The following ZNF608 variants were observed in gnomAD, a reference collection of about 807,000 sequenced individuals.
The protein encoded by ZNF608 is renal carcinoma antigen NY-REN-36.
ZNF608 carries 12 observed loss-of-function variants against 109.0 expected under a neutral mutation model. That is an observed-to-expected ratio of 0.11 (90% CI 0.07 to 0.18). The LOEUF (loss-of-function observed/expected upper bound fraction) is 0.18, where lower values mean the gene tolerates loss of function less well. ZNF608 is among the 10% of genes least tolerant of loss of function. The pLI, the probability that ZNF608 is intolerant of heterozygous loss-of-function variation, is 1.00. For missense variants in ZNF608, 1,707 were observed against 1,879.3 expected, an observed-to-expected ratio of 0.91 and a Z score of 1.70; for synonymous variants, 732 against 717.4, an observed-to-expected ratio of 1.02 and a Z score of -0.33.
intron 2 of ZNF608, among the ~76,000 whole-genome samples, chr5:124,734,260 G>A (rs1317536458): frequency 1.3e-5 from 2 of 152,176 alleles, no homozygotes; most frequent in Non-Finnish European, 2.9e-5. Flanking sequence ...CTAATCCACT[G>A]CCTTGGTACT....
Position 124,647,501 on chromosome 5 carries a change from C to T in ZNF608, c.2883G>A (p.Lys961=). ...AAATAATATCTGATGGGGAACTGGC[C>T]TTTGATCTCATACCCTCCGACCTGC... is the stretch of plus-strand genomic sequence containing the variant. ...SDSRSEGMRS[K]ASSPSDIISS... Residue 961 remains lysine, a synonymous_variant, in exon 5 of 10, where the codon AAG becomes AAA. Transcript: ENST00000513986. 1.2e-6 allele frequency: 2 copies of T among 1,614,150 alleles called. No individual in the cohort carries two copies. The highest frequency in any genetic ancestry group is 1.1e-5 in the South Asian group (1 of 91,082).
chr5:124,639,010 A>G, intron 9 of ZNF608, 123 bp downstream of exon 9: 4 of 950,774 alleles, frequency 4.2e-6, no homozygotes, highest in Non-Finnish European at 6.4e-6. Context: ...TAATAAACAC[A>G]TTCATTACAA....
chr5:124,638,268 T>A (rs1423140585), intron 9 of ZNF608, among the ~76,000 whole-genome samples: 2 of 144,474 alleles, frequency 1.4e-5, no homozygotes, highest in African/African-American at 5.1e-5. Context: ...TTTTTTTTTT[T>A]AGTTTTGAGA....
chr5:124,729,693 A>G (rs1748801538), intron 2 of ZNF608, among the ~76,000 whole-genome samples: 1 of 152,214 alleles, frequency 6.6e-6, no homozygotes, highest in Admixed American at 6.6e-5. Context: ...TGCTATATTT[A>G]GTGATCTGTG....
chr5:124,671,087 C>T (rs1337461337), intron 3 of ZNF608, among the ~76,000 whole-genome samples: 1 of 152,124 alleles, frequency 6.6e-6, no homozygotes, highest in African/African-American at 2.4e-5. Flanking sequence ...ACTATATTTT[C>T]CCAGCTGGAG....
chr5:124,721,715 C>T lies in ZNF608; in HGVS notation c.907-20446G>A, dbSNP rs957381986. 2.6e-5 allele frequency among the ~76,000 whole-genome samples: 4 copies of T among 151,822 alleles called. No individual in the cohort carries two copies. The East Asian group carries it at 5.8e-4, about 22-fold the overall frequency. On this transcript the variant is annotated intron_variant, in intron 2 of 9. Coordinates refer to ENST00000513986, the MANE Select transcript of ZNF608 (RefSeq NM_020747.3). ...CTTTGGGAGGCTGAGGCGGGTGGAT[C>T]GTCTGAGGTCAGGGGTTCAAGACCA...
Position 124,649,118 on chromosome 5 carries a change from C to T in ZNF608, c.1266G>A (p.Pro422=), listed in dbSNP as rs568892039. 5 of 1,564,016 alleles carry T rather than the reference C, an allele frequency of 3.2e-6. No individual in the cohort carries two copies. In the South Asian group the frequency reaches 3.6e-5, roughly 11 times the overall value. ...DWAPPRFCES[P]TSDLEMRGGR... is the part of the protein sequence containing the mutation. Reference sequence around the variant, plus strand: ...CCCCTCTCATCTCCAGGTCACTTGTCGGTGACTCACAAAACCTATGGAAGC... The same window carrying T: ...CCCCTCTCATCTCCAGGTCACTTGTTGGTGACTCACAAAACCTATGGAAGC... The change falls in exon 5 of 10, where the codon CCG becomes CCA. Residue 422 remains proline (P), a synonymous_variant. Coordinates refer to ENST00000513986, the MANE Select transcript of ZNF608 (RefSeq NM_020747.3).
intron 2 of ZNF608, among the ~76,000 whole-genome samples, chr5:124,737,248 A>G (rs1051918670): frequency 9.9e-5 from 15 of 152,174 alleles, no homozygotes; most frequent in Admixed American, 2.0e-4. Context: ...AGCTACATTC[A>G]TGTGGCATTA....
chr5:124,716,872 CG>C (rs1753724518), intron 2 of ZNF608, among the ~76,000 whole-genome samples: 2 of 151,986 alleles, frequency 1.3e-5, no homozygotes, highest in South Asian at 2.1e-4. Context: ...CACCTGAGGT[CG>C]GGAGTTGGAG....
chr5:124,649,378 C>A (rs1460589631), intron 4 of ZNF608, among the ~76,000 whole-genome samples: 1 of 152,116 alleles, frequency 6.6e-6, no homozygotes, highest in Non-Finnish European at 1.5e-5. Flanking sequence ...TTCAAATTCC[C>A]ACTTTGAGAA....
chr5:124,746,506 T>G lies in ZNF608; in HGVS notation c.-495A>C, dbSNP rs1391334317. On this transcript the variant is annotated 5_prime_UTR_variant, in exon 1 of 10. Coordinates refer to ENST00000513986, the MANE Select transcript of ZNF608 (RefSeq NM_020747.3). ...TCCTCTTAACAAGCATCGAGAATAA[T>G]AGTTTTTTAAAAAACAGAGAGTTTA... 2.0e-6 allele frequency: 2 copies of G among 985,086 alleles called. No individual in the cohort carries two copies. Among genetic ancestry groups the G allele is most frequent in the African/African-American group, 3.5e-5 (2 of 57,204 alleles). The allele number at this position is 985,086 out of a possible 1,614,324, so 61.0% of individuals were successfully genotyped here.
chr5:124,737,276 G>A (rs974674576), intron 2 of ZNF608, among the ~76,000 whole-genome samples: 2 of 152,122 alleles, frequency 1.3e-5, no homozygotes, highest in African/African-American at 4.8e-5. Flanking sequence ...ATGCCTAAAT[G>A]TCCCTGCAGA....
At chr5:124,663,212 G>A (rs1287600415) in intron 3 of ZNF608, among the ~76,000 whole-genome samples, 4 of 152,192 alleles carry the variant, frequency 2.6e-5, no homozygotes, top group Admixed American at 1.3e-4. Context: ...TAAAGGGGTG[G>A]CAGAATTATT....
chr5:124,644,664 G>C lies in ZNF608; in HGVS notation c.3706-3C>G. The C allele has an allele frequency of 6.6e-7, 1 of 1,522,582 alleles. No individual in the cohort carries two copies. Among genetic ancestry groups the C allele is most frequent in the Non-Finnish European group, 8.8e-7 (1 of 1,137,062 alleles). 94.3% of individuals were successfully genotyped at this position (1,522,582 alleles called of 1,614,324 possible). ...TGCCATGTTCTTGAATCTGGGTCCT[G>C]ATTTTTTTGTTTTAAAGAAAAAAAA... On this transcript the variant is annotated splice_polypyrimidine_tract_variant and splice_region_variant and intron_variant, in intron 5 of 9. Coordinates refer to ENST00000513986, the MANE Select transcript of ZNF608 (RefSeq NM_020747.3).
At position 124,644,605 on chromosome 5, in the gene ZNF608, C is replaced by A. The variant is rs780215040; in HGVS notation, c.3762G>T (p.Gln1254His). 2 of 1,611,264 alleles carry A rather than the reference C, an allele frequency of 1.2e-6. No individual in the cohort carries two copies. The highest frequency in any genetic ancestry group is 1.7e-6 in the Non-Finnish European group (2 of 1,179,090). ...HYVYQPKYLD[Q>H]QKSEELDREK... ...CTCTATCAAGTTCTTCTGACTTTTG[C>A]TGATCCAGATATTTGGGCTGGTATA... The change falls in exon 6 of 10, where the codon CAG becomes CAT. Residue 1254 changes from glutamine to histidine, a missense_variant. Transcript: ENST00000513986.
intron 2 of ZNF608, among the ~76,000 whole-genome samples, chr5:124,732,143 C>T (rs1294177879): frequency 6.6e-6 from 1 of 151,956 alleles, no homozygotes; most frequent in Non-Finnish European, 1.5e-5. Flanking sequence ...ATAAATAATA[C>T]CAGAACTTAA....
chr5:124,668,873 C>T (rs1751594686), intron 3 of ZNF608, among the ~76,000 whole-genome samples: 1 of 152,138 alleles, frequency 6.6e-6, no homozygotes, highest in African/African-American at 2.4e-5. Context: ...TAACCAAAGT[C>T]CTTCAGTTGG....
intron 8 of ZNF608, 40 bp from the exon 9 acceptor site, chr5:124,639,254 A>C (rs367620460): frequency 6.3e-7 from 1 of 1,591,950 alleles, no homozygotes; most frequent in Admixed American, 1.7e-5. Context: ...GATCTTTAGA[A>C]GGATAAGAGT....
At chr5:124,673,478 T>C (rs1407879660) in intron 3 of ZNF608, among the ~76,000 whole-genome samples, 2 of 152,202 alleles carry the variant, frequency 1.3e-5, no homozygotes, top group African/African-American at 4.8e-5. Flanking sequence ...ATTTATTTCC[T>C]AGTAAAAAAA....
Sources: allele counts gnomAD v4.1 joint callset (sites outside exome capture counted in the v4.1 genomes callset), GRCh38; gene constraint gnomAD v4.1.1; transcripts MANE v1.5; gene names NCBI Gene and HGNC (gene_info 2026-07-23, HGNC 2026-07-21).